The following FAM107A variants were observed in gnomAD, a reference collection of about 807,000 sequenced individuals.
The protein encoded by FAM107A is family with sequence similarity 107 member A, also known as actin-associated protein FAM107A.
A neutral mutation model predicts 13.7 loss-of-function variants in FAM107A; 19 were observed. That is an observed-to-expected ratio of 1.38 (90% confidence interval 0.97 to 2.03). The LOEUF (loss-of-function observed/expected upper bound fraction) is 2.03, where lower values mean the gene tolerates loss of function less well. Among genes scored for constraint, FAM107A ranks in the 30% most tolerant of loss-of-function variants. FAM107A has a pLI of 0.00. For synonymous variants in FAM107A, 82 were observed against 74.5 expected (o/e 1.10, Z -0.52); for missense variants, 203 against 184.4 (o/e 1.10, Z -0.58).
rs1194168010 is a variant in FAM107A at position 58,613,964 on chromosome 3, C to T, written c.-70+13452G>A. Among the ~76,000 whole-genome samples the T allele has an allele frequency of 6.6e-6, 1 of 152,208 alleles. No individual in the cohort carries two copies. The highest frequency in any genetic ancestry group is 1.5e-5 in the Non-Finnish European group (1 of 68,038). ...CCTGGGAAGTGCCAGTGGGCTGGAC[C>T]GGATCAGCATCAGTCACTAGGGGAA... On this transcript the variant is annotated intron_variant, in intron 1 of 3. Transcript: ENST00000465970. The surrounding 1 kb of genome is among the most constrained non-coding windows in gnomAD (Gnocchi z 4.6).
intron 1 of FAM107A, chr3:58,626,929 T>G (rs1223416564): frequency 6.5e-7 from 1 of 1,533,352 alleles, no homozygotes; most frequent in South Asian, 1.2e-5. Flanking sequence ...CAGTCTCCCT[T>G]CCCATGACCA....
intron 1 of FAM107A, among the ~76,000 whole-genome samples, chr3:58,615,517 C>G (rs1335547279): frequency 6.6e-6 from 1 of 152,068 alleles, no homozygotes; most frequent in Non-Finnish European, 1.5e-5. Context: ...AGTTAAATAA[C>G]CAAAGAAGGT....
At chr3:58,586,887 C>T in exon 1 of FAM107A, 12 of 1,533,286 alleles carry the variant, frequency 7.8e-6, no homozygotes, top group Non-Finnish European at 1.0e-5. Flanking sequence ...CCGGTAGAGC[C>T]CGGTGGCATC....
chr3:58,579,585 C>A (rs2065506093), upstream of FAM107A, among the ~76,000 whole-genome samples: 2 of 152,136 alleles, frequency 1.3e-5, 1 homozygote, highest in South Asian at 4.1e-4. Context: ...TTGCACACAT[C>A]CTCCTGCTCT....
rs1483877674 is a variant in FAM107A at position 58,569,804 on chromosome 3, T to C, written c.57A>G (p.Pro19=). ...GCTCCGGATTCCACTCTCTGTATTC[T>C]GGCCGGGCCATCAGGCCCCCAATGT... ...RADIGGLMAR[P]EYREWNPELI... is the part of the protein sequence containing the mutation. The change falls in exon 2 of 4, where the codon CCA becomes CCG. Residue 19 remains proline, a synonymous_variant. Coordinates refer to ENST00000360997, the MANE Select transcript of FAM107A (RefSeq NM_001076778.3). The surrounding 1 kb of genome is among the most constrained non-coding windows in gnomAD (Gnocchi z 5.7). 2.5e-6 allele frequency: 4 copies of C among 1,614,162 alleles called. No individual in the cohort carries two copies. The highest frequency in any genetic ancestry group is 2.5e-6 in the Non-Finnish European group (3 of 1,180,024).
intron 1 of FAM107A, among the ~76,000 whole-genome samples, chr3:58,596,459 C>T (rs2065708163): frequency 2.0e-5 from 3 of 152,160 alleles, no homozygotes; most frequent in African/African-American, 4.8e-5. Flanking sequence ...GGGCAGATGG[C>T]GTGAGCTCAG....
At chr3:58,587,926 A>G (rs576674587), upstream of FAM107A, among the ~76,000 whole-genome samples, 20 of 152,330 alleles carry the variant, frequency 1.3e-4, no homozygotes, top group African/African-American at 4.6e-4. Context: ...TGCAAATAAG[A>G]AAAAACAGAG....
intron 1 of FAM107A, among the ~76,000 whole-genome samples, chr3:58,597,055 T>C (rs1320838503): frequency 2.6e-5 from 4 of 152,216 alleles, no homozygotes; most frequent in Admixed American, 1.3e-4. Flanking sequence ...GACTTAAGTA[T>C]TCCATTTGGT....
At chr3:58,616,253 G>A (rs1484467436) in intron 1 of FAM107A, among the ~76,000 whole-genome samples, 1 of 152,096 alleles carries the variant, frequency 6.6e-6, no homozygotes, top group Non-Finnish European at 1.5e-5. Context: ...CCCCAGGAGA[G>A]CAGCTGGCAG....
At chr3:58,586,776 A>C in intron 1 of FAM107A, 9 of 1,325,686 alleles carry the variant, frequency 6.8e-6, no homozygotes, top group South Asian at 1.6e-5. Context: ...CCAGCGGCGG[A>C]CTGGCCAGGG....
chr3:58,571,869 C>T (rs181360403), intron 1 of FAM107A, among the ~76,000 whole-genome samples: 1 of 152,204 alleles, frequency 6.6e-6, no homozygotes, highest in Non-Finnish European at 1.5e-5. Flanking sequence ...CTGTGCCCCC[C>T]AAATCTTCCA....
intron 1 of FAM107A, among the ~76,000 whole-genome samples, chr3:58,620,571 A>G (rs903793413): frequency 2.0e-5 from 3 of 152,118 alleles, no homozygotes; most frequent in Admixed American, 6.5e-5. Flanking sequence ...ATAAGACAGG[A>G]TGGGGAAAGT....
At chr3:58,589,876 A>G (rs774299125), upstream of FAM107A, among the ~76,000 whole-genome samples, 25 of 152,120 alleles carry the variant, frequency 1.6e-4, no homozygotes, top group Non-Finnish European at 3.4e-4. Flanking sequence ...TGAGGCCCAT[A>G]TTCTTTTAGG....
At chr3:58,609,605 T>C (rs1010218096) in intron 1 of FAM107A, among the ~76,000 whole-genome samples, 6 of 152,214 alleles carry the variant, frequency 3.9e-5, no homozygotes, top group African/African-American at 7.2e-5. Flanking sequence ...CCCTAGGCCC[T>C]AGGGTGGCAT....
chr3:58,568,787 T>A (rs1559473865), intron 2 of FAM107A, among the ~76,000 whole-genome samples: 1 of 152,234 alleles, frequency 6.6e-6, no homozygotes, highest in Non-Finnish European at 1.5e-5. Flanking sequence ...ACCGCTGCGT[T>A]CACGCTGTTA....
upstream of FAM107A, chr3:58,589,077 G>T (rs944317621): frequency 3.1e-6 from 2 of 650,356 alleles, no homozygotes. Flanking sequence ...TATGCTGCAA[G>T]GGAGAAACCA....
intron 1 of FAM107A, among the ~76,000 whole-genome samples, chr3:58,595,343 C>T (rs938757005): frequency 2.0e-5 from 3 of 152,186 alleles, no homozygotes; most frequent in Non-Finnish European, 4.4e-5. Context: ...TGGCCTGAAG[C>T]ACCTGAAGAT....
chr3:58,566,790 G>A, intron 3 of FAM107A, 95 bp from the exon 4 acceptor site: 1 of 1,003,016 alleles, frequency 1.0e-6, no homozygotes. Context: ...CCACTCAGTG[G>A]GGAAACAGAA....
intron 1 of FAM107A, among the ~76,000 whole-genome samples, chr3:58,572,278 A>G (rs1318497386): frequency 6.6e-6 from 1 of 152,150 alleles, no homozygotes; most frequent in Non-Finnish European, 1.5e-5. Flanking sequence ...CACAGAACCC[A>G]CACTCTGCTG....
Sources: gnomAD v4.1 joint callset for allele counts (sites outside exome capture counted in the v4.1 genomes callset) on GRCh38, gnomAD v4.1.1 for gene constraint, Gnocchi (gnomAD v3.1) non-coding constraint, MANE v1.5 for transcripts, NCBI Gene and HGNC (gene_info 2026-07-23, HGNC 2026-07-21) for gene names.